Variants in AGBL4 observed in about 807,000 individuals in gnomAD.
AGBL4 encodes AGBL carboxypeptidase 4, also known as cytosolic carboxypeptidase 6.
Under a neutral mutation model 66.4 loss-of-function variants are expected in AGBL4, and 58 were observed. The observed-to-expected ratio is 0.87, with a 90% CI of 0.71 to 1.09. The LOEUF (loss-of-function observed/expected upper bound fraction) is 1.09, where lower values mean the gene tolerates loss of function less well. AGBL4 is among the 50% of genes least tolerant of loss of function. The probability of loss-of-function intolerance (pLI) is 0.00; values close to 1 mark genes in which losing one functional copy is unlikely to be tolerated. For missense variants in AGBL4, 579 were observed against 631.0 expected, an observed-to-expected ratio of 0.92 and a Z score of 0.88; for synonymous variants, 234 against 222.9, an observed-to-expected ratio of 1.05 and a Z score of -0.44.
intron 4 of AGBL4, among the ~76,000 whole-genome samples, chr1:49,109,324 C>G (rs1645360659): frequency 6.6e-6 from 1 of 152,186 alleles, no homozygotes; most frequent in Admixed American, 6.5e-5. Context: ...CTGTCTGCCT[C>G]AACTGGAAGG....
chr1:49,181,262 C>T (rs993462064), intron 4 of AGBL4, among the ~76,000 whole-genome samples: 2 of 152,182 alleles, frequency 1.3e-5, no homozygotes, highest in African/African-American at 4.8e-5. Context: ...TGGATGGCCT[C>T]CTTCCTTCTC....
chr1:49,118,442 G>A (rs535609086), intron 4 of AGBL4, among the ~76,000 whole-genome samples: 21 of 152,166 alleles, frequency 1.4e-4, no homozygotes, highest in Non-Finnish European at 2.8e-4. Context: ...GTTGAATTTT[G>A]TCAAAGCCCT....
At chr1:48,844,435 TA>T (rs1390790934) in intron 6 of AGBL4, among the ~76,000 whole-genome samples, 1 of 152,224 alleles carries the variant, frequency 6.6e-6, no homozygotes, top group Non-Finnish European at 1.5e-5. Flanking sequence ...AATGATGCTT[TA>T]AAAATTTTAT....
chr1:50,020,333 C>T (rs1238202499), intron 1 of AGBL4, among the ~76,000 whole-genome samples: 2 of 152,044 alleles, frequency 1.3e-5, no homozygotes, highest in Non-Finnish European at 2.9e-5. Flanking sequence ...AAGTGAACTA[C>T]GGACATAACA....
intron 3 of AGBL4, among the ~76,000 whole-genome samples, chr1:49,441,617 G>C (rs946633829): frequency 6.6e-6 from 1 of 152,138 alleles, no homozygotes; most frequent in Non-Finnish European, 1.5e-5. Context: ...TGTGAGGGCA[G>C]CACCTGCATC....
intron 4 of AGBL4, among the ~76,000 whole-genome samples, chr1:49,234,195 A>C (rs954258791): frequency 2.0e-5 from 3 of 152,210 alleles, no homozygotes; most frequent in Non-Finnish European, 2.9e-5. Context: ...GGCCTACCCA[A>C]ACATAGGCAG....
intron 6 of AGBL4, among the ~76,000 whole-genome samples, chr1:48,733,195 T>C (rs547259268): frequency 2.6e-5 from 4 of 152,136 alleles, no homozygotes; most frequent in Non-Finnish European, 5.9e-5. Context: ...TTCTTTGCTT[T>C]TGTAAGAAAT....
intron 3 of AGBL4, among the ~76,000 whole-genome samples, chr1:49,314,401 G>C (rs551315044): frequency 1.7e-4 from 26 of 151,972 alleles, no homozygotes; most frequent in African/African-American, 5.3e-4. Flanking sequence ...CCCCCAAGAG[G>C]CCATGGTGTG....
At chr1:48,793,377 C>A (rs1032583499) in intron 6 of AGBL4, among the ~76,000 whole-genome samples, 2 of 152,048 alleles carry the variant, frequency 1.3e-5, no homozygotes, top group South Asian at 4.1e-4. Context: ...CTTATAGCAG[C>A]GCCCCAAAAA....
intron 3 of AGBL4, among the ~76,000 whole-genome samples, chr1:49,353,031 G>C (rs1044017833): frequency 6.6e-6 from 1 of 152,056 alleles, no homozygotes; most frequent in Admixed American, 6.6e-5. Flanking sequence ...ATTCAAACTA[G>C]TTTAAGTATT....
intron 1 of AGBL4, among the ~76,000 whole-genome samples, chr1:50,014,154 C>T (rs1161677526): frequency 6.6e-6 from 1 of 151,996 alleles, no homozygotes; most frequent in Non-Finnish European, 1.5e-5. Context: ...AGGCAGATCA[C>T]GAGGTCAAGA....
chr1:49,243,837 C>T (rs184564855), intron 4 of AGBL4, among the ~76,000 whole-genome samples: 5 of 151,890 alleles, frequency 3.3e-5, no homozygotes, highest in African/African-American at 1.2e-4. Flanking sequence ...GCTATGGTAC[C>T]TTATGCCTAA....
At chr1:49,430,947 T>C (rs993117924) in intron 3 of AGBL4, among the ~76,000 whole-genome samples, 1 of 152,248 alleles carries the variant, frequency 6.6e-6, no homozygotes, top group Non-Finnish European at 1.5e-5. Context: ...AATGTATCTA[T>C]ATTGTTGCAC....
chr1:49,261,381 A>G (rs528397312), intron 3 of AGBL4, among the ~76,000 whole-genome samples: 32 of 152,334 alleles, frequency 2.1e-4, no homozygotes, highest in African/African-American at 7.5e-4. Context: ...CCCTGTTTGC[A>G]GACGACATGA....
intron 2 of AGBL4, among the ~76,000 whole-genome samples, chr1:49,847,628 A>G (rs1458166618): frequency 6.6e-6 from 1 of 152,198 alleles, no homozygotes; most frequent in African/African-American, 2.4e-5. Flanking sequence ...CAACAAAATC[A>G]ATAACCCCAT....
chr1:49,258,766 G>T (rs1370991789), intron 3 of AGBL4, among the ~76,000 whole-genome samples: 1 of 152,152 alleles, frequency 6.6e-6, no homozygotes, highest in Admixed American at 6.5e-5. Context: ...CCCCAATCTA[G>T]CAAGGCAGGC....
At chr1:49,156,858 G>C (rs76740265) in intron 4 of AGBL4, among the ~76,000 whole-genome samples, 6,460 of 152,108 alleles carry the variant, frequency 0.042, 179 homozygotes, top group East Asian at 0.074. Flanking sequence ...CATCTTGAAG[G>C]GTAGCTATGA....
intron 3 of AGBL4, among the ~76,000 whole-genome samples, chr1:49,286,749 G>A (rs1644420524): frequency 6.6e-6 from 1 of 151,936 alleles, no homozygotes; most frequent in Non-Finnish European, 1.5e-5. Context: ...CATGCTCATG[G>A]GTAGGAAGAA....
At chr1:49,997,094 A>G (rs1316547554) in intron 1 of AGBL4, among the ~76,000 whole-genome samples, 1 of 152,226 alleles carries the variant, frequency 6.6e-6, no homozygotes, top group Non-Finnish European at 1.5e-5. Context: ...ATACCAAAAT[A>G]TAACCTCCTT....
Sources: allele counts gnomAD v4.1 joint callset (sites outside exome capture counted in the v4.1 genomes callset), GRCh38; gene constraint gnomAD v4.1.1; transcripts MANE v1.5; gene names NCBI Gene and HGNC (gene_info 2026-07-23, HGNC 2026-07-21).